Variants in PTK2 observed in about 807,000 individuals in gnomAD.
PTK2 encodes focal adhesion kinase 1.
A neutral mutation model predicts 150.1 loss-of-function variants in PTK2; 45 were observed. The observed-to-expected ratio is 0.30, with a 90% CI of 0.24 to 0.38. The LOEUF (loss-of-function observed/expected upper bound fraction) is 0.38, where lower values mean the gene tolerates loss of function less well. Ranked by LOEUF, PTK2 falls within the 10% of genes least tolerant of loss-of-function variation. The pLI is 1.00. For synonymous variants in PTK2, 432 were observed against 449.2 expected (o/e 0.96, Z 0.48); for missense variants, 919 against 1,307.3 (o/e 0.70, Z 4.58).
intron 2 of PTK2, among the ~76,000 whole-genome samples, chr8:140,902,234 A>T (rs1313479853): frequency 6.6e-6 from 1 of 152,058 alleles, no homozygotes; most frequent in East Asian, 1.9e-4. Flanking sequence ...GGGTTTTGCC[A>T]TGTTGGCCAG....
intron 27 of PTK2, among the ~76,000 whole-genome samples, chr8:140,676,719 A>C (rs936666261): frequency 7.4e-6 from 1 of 134,690 alleles, no homozygotes; most frequent in Non-Finnish European, 1.6e-5. Flanking sequence ...CAAGGTCAGG[A>C]GGTTGAGACC....
rs2100096708 is a variant in PTK2 at position 140,803,787 on chromosome 8, C to T, written c.868-137G>A. On this transcript the variant is annotated intron_variant, in intron 10 of 31. Transcript: ENST00000522684. ...GGAGGTCTGGGGAAAAAAACAGATT[C>T]TCCATGCTGCCCCAGGGGAGCAGCC... is the stretch of plus-strand genomic sequence containing the variant. 4.0e-6 allele frequency: 3 copies of T among 744,128 alleles called. No homozygotes were observed. In the East Asian group the frequency reaches 8.1e-5, roughly 20 times the overall value. The allele number at this position is 744,128 out of a possible 1,614,324, so 46.1% of individuals were successfully genotyped here.
chr8:140,773,199 C>G (rs1292562218), intron 14 of PTK2, among the ~76,000 whole-genome samples: 1 of 152,044 alleles, frequency 6.6e-6, no homozygotes, highest in Admixed American at 6.5e-5. Flanking sequence ...TATCACACAT[C>G]ATAAAAACAA....
At chr8:140,735,138 A>C in intron 22 of PTK2, 113 bp downstream of exon 25, 1 of 987,676 alleles carries the variant, frequency 1.0e-6, no homozygotes, top group Non-Finnish European at 1.5e-6. Flanking sequence ...TGAACGAAAA[A>C]TAGTTCGGCC....
At chr8:140,674,177 C>T (rs2100012229) in intron 29 of PTK2, 121 bp downstream of exon 32, 1 of 999,234 alleles carries the variant, frequency 1.0e-6, no homozygotes, top group Non-Finnish European at 1.6e-6. Flanking sequence ...ACTGCAGTTC[C>T]ACTCTGCACT....
intron 26 of PTK2, chr8:140,687,107 A>G (rs2100020386): frequency 5.5e-6 from 1 of 182,362 alleles, no homozygotes; most frequent in Admixed American, 5.9e-5. Context: ...GTTCAATTAC[A>G]AGACTGTTTT....
At chr8:140,710,137 A>AAAAAAATATGAGAAGATTTTCATATTTC (rs1378957675) in intron 23 of PTK2, among the ~76,000 whole-genome samples, 15 of 151,948 alleles carry the variant, frequency 9.9e-5, no homozygotes, top group Non-Finnish European at 1.8e-4. Context: ...CAACACGGTG[A>AAAAAAATATGAGAAGATTTTCATATTTC]AAAAAATATG....
At chr8:140,710,329 C>CAA (rs71308985) in intron 23 of PTK2, among the ~76,000 whole-genome samples, 1 of 111,548 alleles carries the variant, frequency 9.0e-6, no homozygotes, top group Non-Finnish European at 1.8e-5. Context: ...GACCTTGTCT[C>CAA]AAAAAAAAAA....
intron 1 of PTK2, chr8:140,927,543 TG>T (rs2100169928): frequency 6.6e-6 from 1 of 152,200 alleles, no homozygotes; most frequent in South Asian, 2.1e-4. Context: ...CCCCTTGTGG[TG>T]AATGTAAATC....
chr8:140,830,782 T>C (rs4961234), intron 7 of PTK2, among the ~76,000 whole-genome samples: 75,967 of 151,936 alleles, frequency 0.5, 19,276 homozygotes, highest in Admixed American at 0.59. Flanking sequence ...TTTTTTTACC[T>C]TTATTGTTGA....
chr8:140,795,522 C>T (rs1056156973), intron 12 of PTK2, among the ~76,000 whole-genome samples: 2 of 152,164 alleles, frequency 1.3e-5, no homozygotes, highest in African/African-American at 4.8e-5. Context: ...AAATTGTATC[C>T]CTTACTTTCT....
intron 5 of PTK2, among the ~76,000 whole-genome samples, chr8:140,860,572 T>G (rs1399129792): frequency 6.6e-6 from 1 of 152,214 alleles, no homozygotes; most frequent in Non-Finnish European, 1.5e-5. Flanking sequence ...CCTCCTGGAT[T>G]CAAGCTATTC....
At chr8:140,876,604 T>C (rs954666402) in intron 4 of PTK2, among the ~76,000 whole-genome samples, 1 of 152,182 alleles carries the variant, frequency 6.6e-6, no homozygotes, top group African/African-American at 2.4e-5. Context: ...AACCATTATC[T>C]CTTGGGATTA....
chr8:140,697,625 T>C (rs1486560639), intron 26 of PTK2, among the ~76,000 whole-genome samples: 6 of 152,138 alleles, frequency 3.9e-5, no homozygotes, highest in Admixed American at 6.6e-5. Context: ...GGTTTCACCA[T>C]GTTGGCCAGG....
chr8:140,714,252 C>T (rs949239246), intron 23 of PTK2, among the ~76,000 whole-genome samples: 3 of 152,080 alleles, frequency 2.0e-5, no homozygotes, highest in African/African-American at 7.2e-5. Flanking sequence ...ATAAAACTTA[C>T]AAAACTTTTC....
In PTK2 at chr8:140,702,712, G is replaced by A; in HGVS notation, c.2230-5C>T. ...TGAACCAGGGTAGCCAGAAACCTGT[G>A]AATGAGTAAGGAGGCAAGGTAATGT... On this transcript the variant is annotated splice_region_variant and splice_polypyrimidine_tract_variant and intron_variant, in intron 24 of 31. Transcript: ENST00000522684. 6.2e-7 allele frequency: 1 copy of A among 1,613,322 alleles called. No homozygotes were observed.
intron 2 of PTK2, among the ~76,000 whole-genome samples, chr8:140,913,038 G>C (rs1459345576): frequency 6.6e-6 from 1 of 152,092 alleles, no homozygotes; most frequent in Non-Finnish European, 1.5e-5. Context: ...CTCCCTAAGG[G>C]GGAAAAAAGG....
chr8:140,763,836 T>C (rs1407448887), intron 15 of PTK2, among the ~76,000 whole-genome samples: 2 of 152,136 alleles, frequency 1.3e-5, no homozygotes, highest in Non-Finnish European at 2.9e-5. Context: ...AAAGTATGGG[T>C]ATACGTGTGT....
At chr8:140,758,232 G>A (rs755683956) in intron 16 of PTK2, among the ~76,000 whole-genome samples, 1 of 152,026 alleles carries the variant, frequency 6.6e-6, no homozygotes, top group Non-Finnish European at 1.5e-5. Context: ...GAGACTACAG[G>A]TGTGCACCAC....
Sources: gnomAD v4.1 joint callset for allele counts (sites outside exome capture counted in the v4.1 genomes callset) on GRCh38, gnomAD v4.1.1 for gene constraint, MANE v1.5 for transcripts, NCBI Gene and HGNC (gene_info 2026-07-23, HGNC 2026-07-21) for gene names.